PLPP5: variants seen among roughly 807,000 people sequenced by gnomAD.
PLPP5 encodes the protein diacylglycerol pyrophosphate like 1.
PLPP5 carries 29 observed loss-of-function variants against 23.6 expected under a neutral mutation model. The observed-to-expected ratio is 1.23, with a 90% CI of 0.92 to 1.68. The LOEUF is 1.68. Ranked by LOEUF, PLPP5 falls within the 40% of genes most tolerant of loss-of-function variation. PLPP5 has a pLI of 0.00. For missense variants in PLPP5, 315 were observed against 332.1 expected, an observed-to-expected ratio of 0.95 and a Z score of 0.40; for synonymous variants, 143 against 131.3, an observed-to-expected ratio of 1.09 and a Z score of -0.61.
chr8:38,267,605 C>T lies in PLPP5; in HGVS notation c.339-214G>A. On this transcript the variant is annotated intron_variant, in intron 4 of 6. Coordinates refer to ENST00000424479, the MANE Select transcript of PLPP5 (RefSeq NM_001102559.2). ...AAACGCCCATTCCAGCACATGATTA[C>T]TTTTTAGGGCAAACAGCAAATGACA... 6.2e-6 allele frequency: 4 copies of T among 644,728 alleles called. No homozygotes were observed. The East Asian group carries it at 1.1e-4, about 18-fold the overall frequency. 39.9% of individuals were successfully genotyped at this position (644,728 alleles called of 1,614,324 possible). A position where few individuals can be genotyped will look rare whatever the true frequency, so the allele number is the denominator to read the frequency against.
intron 4 of PLPP5, 77 bp from the exon 5 acceptor site, chr8:38,267,468 A>G: frequency 6.4e-7 from 1 of 1,557,092 alleles, no homozygotes; most frequent in Non-Finnish European, 8.7e-7. Context: ...GACATTAATA[A>G]TCCTGTTAAC....
In PLPP5 at chr8:38,267,295, T is replaced by A; in HGVS notation, c.435A>T (p.Arg145=). The A allele has an allele frequency of 6.2e-7, 1 of 1,614,024 alleles. No individual in the cohort carries two copies. Among genetic ancestry groups the A allele is most frequent in the South Asian group, 1.1e-5 (1 of 91,088 alleles). Residue 145 remains arginine, a synonymous_variant, in exon 5 of 7, where the codon CGA becomes CGT. Transcript: ENST00000424479. ...TGDKDVVNEG[R]KSFPSGHSSF... The stretch of plus-strand genomic sequence containing the variant: ...AAGAATGTCCACTGGGGAAGCTCTT[T>A]CGGCCCTCATTCACCACGTCCTTAT...
Position 38,266,218 on chromosome 8 carries a change from C to T in PLPP5, c.557G>A (p.Cys186Tyr), listed in dbSNP as rs1807560280. 1 of 1,613,866 alleles carries T rather than the reference C, an allele frequency of 6.2e-7. No individual in the cohort carries two copies. Among genetic ancestry groups the T allele is most frequent in the African/African-American group, 1.3e-5 (1 of 75,020 alleles). ...PQGRGKSWRF[C>Y]AFLSPLLFAA... is the part of the protein sequence containing the mutation. ...AAAAAGTAGAGGTGACAGAAAGGCA[C>T]AGAACCTCCAAGATTTCCCACGGCC... The change falls in exon 6 of 7, where the codon TGT (cysteine) becomes TAT (tyrosine). Residue 186 changes from cysteine to tyrosine, a missense_variant. Physicochemically the swap from Cys to Tyr is radical, Grantham distance 194. Transcript: ENST00000424479.
In PLPP5 at chr8:38,268,956, T is replaced by TGAG; in HGVS notation, c.106_108dup (p.Leu36dup). The TGAG allele has an allele frequency of 6.4e-7, 1 of 1,565,796 alleles. No individual in the cohort carries two copies. Among genetic ancestry groups the TGAG allele is most frequent in the African/African-American group, 1.4e-5 (1 of 70,834 alleles). On this transcript the variant is annotated inframe_insertion, in exon 2 of 7. Transcript: ENST00000424479. The stretch of plus-strand genomic sequence containing the variant: ...TAGAGCCACATCTCCTCCGGCTGGA[T>TGAG]GAGTCTCTGGAACGGGGGGAGCAGC...
chr8:38,266,872 A>T (rs1434538854), intron 5 of PLPP5: 2 of 261,448 alleles, frequency 7.6e-6, no homozygotes, highest in Non-Finnish European at 1.4e-5. Context: ...TAGTTTCCTC[A>T]TCTATAAATG....
At chr8:38,264,888 A>T (rs773753998) in intron 6 of PLPP5, 1 of 1,612,764 alleles carries the variant, frequency 6.2e-7, no homozygotes, top group Non-Finnish European at 8.5e-7. Flanking sequence ...TTTCTAACTC[A>T]GAAGAGTAAC....
At chr8:38,264,666 C>T in intron 6 of PLPP5, 62 bp from the exon 7 acceptor site, 2 of 1,489,064 alleles carry the variant, frequency 1.3e-6, no homozygotes, top group Non-Finnish European at 1.8e-6. Context: ...ATTACATACA[C>T]ATAGCATAGA....
intron 5 of PLPP5, chr8:38,266,532 C>G: frequency 2.2e-6 from 1 of 462,726 alleles, no homozygotes; most frequent in Middle Eastern, 6.1e-4. Context: ...TCCCGAGTAG[C>G]TGGGACTCCA....
chr8:38,266,179 G>GACTA lies in PLPP5; in HGVS notation c.595_596insTAGT (p.Ala199ValfsTer8). ...CTTGTAGTCACATGTGCGGGACAGT[G>GACTA]CAATCACAGCTGCAAAAAGTAGAGG... On this transcript the variant is annotated frameshift_variant, in exon 6 of 7. Coordinates refer to ENST00000424479, the MANE Select transcript of PLPP5 (RefSeq NM_001102559.2). LOFTEE classifies it low-confidence loss of function (END_TRUNC). The GACTA allele has an allele frequency of 1.2e-6, 2 of 1,614,068 alleles. No homozygotes were observed.
rs200110154 is a variant in PLPP5, at chr8:38,267,227, T to C, written c.463+40A>G. On this transcript the variant is annotated intron_variant, in intron 5 of 6. Coordinates refer to ENST00000424479, the MANE Select transcript of PLPP5 (RefSeq NM_001102559.2). ...GCTTTCTAGGTTAAATTCAATGATG[T>C]GAAAACAAGCATAGGGTAGAGTCCA... 2.2e-5 allele frequency: 36 copies of C among 1,613,840 alleles called. No individual in the cohort carries two copies. The African/African-American group carries it at 3.9e-4, about 17-fold the overall frequency.
At position 38,267,499 on chromosome 8, in the gene PLPP5, A is replaced by T. The variant is rs921544109; in HGVS notation, c.339-108T>A. 1.4e-5 allele frequency: 18 copies of T among 1,290,028 alleles called. No homozygotes were observed. In the African/African-American group the frequency reaches 2.5e-4, roughly 18 times the overall value. The allele number at this position is 1,290,028 out of a possible 1,614,324, so 79.9% of individuals were successfully genotyped here. ...TTAACTATTGGTCAAATAGTGCCCCAGGCAAAATAAGGTAACTGGCTTAGT... is the reference window on the plus strand; with the variant it reads ...TTAACTATTGGTCAAATAGTGCCCCTGGCAAAATAAGGTAACTGGCTTAGT... On this transcript the variant is annotated intron_variant, in intron 4 of 6. Transcript: ENST00000424479.
At chr8:38,267,458 G>C in intron 4 of PLPP5, 67 bp from the exon 5 acceptor site, 1 of 1,581,404 alleles carries the variant, frequency 6.3e-7, no homozygotes, top group Non-Finnish European at 8.6e-7. Context: ...AGTTGTAGCA[G>C]ACATTAATAA....
intron 5 of PLPP5, chr8:38,266,928 C>T: frequency 3.1e-6 from 2 of 635,228 alleles, no homozygotes; most frequent in Non-Finnish European, 4.5e-6. Context: ...TTATTGTGAG[C>T]TATAATTAGG....
Position 38,266,237 on chromosome 8 carries a change from C to T in PLPP5, c.538G>A (p.Gly180Arg). The T allele has an allele frequency of 6.2e-7, 1 of 1,613,784 alleles. No homozygotes were observed. Among genetic ancestry groups the T allele is most frequent in the Non-Finnish European group, 8.5e-7 (1 of 1,179,804 alleles). Reference protein sequence around the residue: ...KLHCFTPQGRGKSWRFCAFLS... With the variant: ...KLHCFTPQGRRKSWRFCAFLS... ...AAGGCACAGAACCTCCAAGATTTCCCACGGCCTTGTGGTGTGAAGCAGTGT... is the reference window on the plus strand; with the variant it reads ...AAGGCACAGAACCTCCAAGATTTCCTACGGCCTTGTGGTGTGAAGCAGTGT... Residue 180 changes from glycine to arginine, a missense_variant, in exon 6 of 7, where the codon GGG (glycine) becomes AGG (arginine). Gly to Arg is a moderately radical substitution (Grantham distance 125, BLOSUM62 -2). Coordinates refer to ENST00000424479, the MANE Select transcript of PLPP5 (RefSeq NM_001102559.2).
chr8:38,267,892 C>T lies in PLPP5; in HGVS notation c.338+5G>A. ...ATGCTGGGGTGGTTAGCTGTTGTCACTTACCTCCCTACGATCAGTTTTATT... is the reference window on the plus strand; with the variant it reads ...ATGCTGGGGTGGTTAGCTGTTGTCATTTACCTCCCTACGATCAGTTTTATT... On this transcript the variant is annotated splice_donor_5th_base_variant and intron_variant, in intron 4 of 6. Coordinates refer to ENST00000424479, the MANE Select transcript of PLPP5 (RefSeq NM_001102559.2). 1 of 1,613,972 alleles carries T rather than the reference C, an allele frequency of 6.2e-7. No individual in the cohort carries two copies. The highest frequency in any genetic ancestry group is 8.5e-7 in the Non-Finnish European group (1 of 1,179,840).
chr8:38,267,346 G>T lies in PLPP5; in HGVS notation c.384C>A (p.Ala128=). The T allele has an allele frequency of 1.2e-6, 2 of 1,613,942 alleles. No individual in the cohort carries two copies. The highest frequency in any genetic ancestry group is 1.7e-6 in the Non-Finnish European group (2 of 1,179,868). The part of the protein sequence containing the change: ...FFYRCFPDGL[A]HSDLMCTGDK... ...CCCCTGTACACATCAAGTCAGAATG[G>T]GCTAGCCCATCAGGGAAGCAGCGGT... Residue 128 remains alanine (A), a synonymous_variant, in exon 5 of 7, where the codon GCC becomes GCA. Transcript: ENST00000424479.
At chr8:38,267,431 T>A (rs1336205277) in intron 4 of PLPP5, 40 bp from the exon 5 acceptor site, 1 of 1,600,854 alleles carries the variant, frequency 6.2e-7, no homozygotes, top group Admixed American at 1.7e-5. Flanking sequence ...AATCATTAAC[T>A]CCAGAAATTA....
chr8:38,267,815 G>C, intron 4 of PLPP5, 82 bp downstream of exon 4: 3 of 1,316,516 alleles, frequency 2.3e-6, no homozygotes, highest in South Asian at 2.4e-5. Flanking sequence ...TGAGAAAGAC[G>C]TGTGGTGGAC....
Position 38,264,151 on chromosome 8 carries a change from A to G in PLPP5, c.*293T>C, listed in dbSNP as rs1328187246. 2.3e-6 allele frequency: 2 copies of G among 862,634 alleles called. No homozygotes were observed. Among genetic ancestry groups the G allele is most frequent in the African/African-American group, 1.9e-5 (1 of 53,726 alleles). 53.4% of individuals were successfully genotyped at this position (862,634 alleles called of 1,614,324 possible). A position where few individuals can be genotyped will look rare whatever the true frequency, so the allele number is the denominator to read the frequency against. ...CCTGTTCTCTATTGAGATAGATTCA[A>G]TTTTTTTTTTTTTTGAGATGGGGTC... On this transcript the variant is annotated 3_prime_UTR_variant, in exon 7 of 7. Coordinates refer to ENST00000424479, the MANE Select transcript of PLPP5 (RefSeq NM_001102559.2).
Sources: gnomAD v4.1 joint callset for allele counts on GRCh38, gnomAD v4.1.1 for gene constraint, MANE v1.5 for transcripts, NCBI Gene and HGNC (gene_info 2026-07-23, HGNC 2026-07-21) for gene names.